Variants in ZNF827 observed in about 807,000 individuals in gnomAD.
ZNF827 encodes the protein zinc finger protein 827.
ZNF827 carries 13 observed loss-of-function variants against 102.4 expected under a neutral mutation model. The observed-to-expected ratio is 0.13, with a 90% CI of 0.08 to 0.20. ZNF827 has a LOEUF of 0.20. Among genes scored for constraint, ZNF827 ranks in the 10% least tolerant of loss-of-function variants. The pLI, the probability that ZNF827 is intolerant of heterozygous loss-of-function variation, is 1.00. For missense variants in ZNF827, 1,103 were observed against 1,344.4 expected, an observed-to-expected ratio of 0.82 and a Z score of 2.81; for synonymous variants, 523 against 536.2, an observed-to-expected ratio of 0.98 and a Z score of 0.34.
intron 4 of ZNF827, among the ~76,000 whole-genome samples, chr4:145,878,399 G>C (rs948737701): frequency 2.6e-5 from 4 of 152,094 alleles, no homozygotes; most frequent in Admixed American, 2.6e-4. Flanking sequence ...GAAGTGGAGA[G>C]ATAGTTACTG....
chr4:145,812,452 C>T (rs1211711788), intron 8 of ZNF827, among the ~76,000 whole-genome samples: 2 of 152,006 alleles, frequency 1.3e-5, no homozygotes, highest in South Asian at 2.1e-4. Context: ...GGTGAAAAAA[C>T]GAATATAGCC....
At chr4:145,896,694 T>C (rs1373016270) in intron 2 of ZNF827, among the ~76,000 whole-genome samples, 1 of 152,238 alleles carries the variant, frequency 6.6e-6, no homozygotes, top group Non-Finnish European at 1.5e-5. Context: ...TTTCACATAG[T>C]GCCCCAATAC....
Position 145,827,497 on chromosome 4 carries a change from C to T in ZNF827, c.2280-3972G>A, listed in dbSNP as rs78092766. Among the ~76,000 whole-genome samples, 23 of 152,332 alleles carry T rather than the reference C, an allele frequency of 1.5e-4. No individual in the cohort carries two copies. In the East Asian group the frequency reaches 4.2e-3, roughly 28 times the overall value. On this transcript the variant is annotated intron_variant, in intron 7 of 14. Coordinates refer to ENST00000508784, the MANE Select transcript of ZNF827 (RefSeq NM_001306215.2). ...TCATGGGCCTGGTCAATTTGCAACT[C>T]TAAACATTCGCCACTGCTGTACCTA...
At chr4:145,831,084 C>G (rs1744163865) in intron 7 of ZNF827, 1 of 152,060 alleles carries the variant, frequency 6.6e-6, no homozygotes, top group South Asian at 2.1e-4. Flanking sequence ...TTTTCAATAC[C>G]ACAGAAATGA....
At chr4:145,797,653 G>A (rs749618447) in intron 8 of ZNF827, among the ~76,000 whole-genome samples, 2 of 152,146 alleles carry the variant, frequency 1.3e-5, no homozygotes, top group Non-Finnish European at 2.9e-5. Context: ...ATGATGATAT[G>A]AGTAGAATCC....
At position 145,760,690 on chromosome 4, in the gene ZNF827, C is replaced by T. The variant is rs530837598; in HGVS notation, c.*926G>A. On this transcript the variant is annotated 3_prime_UTR_variant, in exon 15 of 15. Transcript: ENST00000508784. ...GGTCTGTAGGTTTTGCAGCAACATA[C>T]ACCTGCTGGGGTTGTGTTTAAGTTT... is the stretch of plus-strand genomic sequence containing the variant. The T allele has an allele frequency of 3.5e-5, 34 of 968,032 alleles. No individual in the cohort carries two copies. The African/African-American group carries it at 5.8e-4, about 17-fold the overall frequency. The allele number at this position is 968,032 out of a possible 1,614,324, so 60.0% of individuals were successfully genotyped here.
intron 1 of ZNF827, among the ~76,000 whole-genome samples, chr4:145,904,057 C>T (rs781568352): frequency 6.6e-6 from 1 of 152,148 alleles, no homozygotes; most frequent in Non-Finnish European, 1.5e-5. Context: ...TTTATCGATC[C>T]ACCACTACCA....
intron 7 of ZNF827, among the ~76,000 whole-genome samples, chr4:145,843,291 C>A (rs983243888): frequency 6.6e-6 from 1 of 151,498 alleles, no homozygotes; most frequent in African/African-American, 2.4e-5. Context: ...ACACTGATTT[C>A]TAAACACCAT....
At chr4:145,884,538 C>T (rs1298621944) in intron 4 of ZNF827, among the ~76,000 whole-genome samples, 2 of 152,082 alleles carry the variant, frequency 1.3e-5, no homozygotes, top group African/African-American at 2.4e-5. Context: ...AATTCTCCAC[C>T]GACCTTTCCC....
chr4:145,784,124 A>G (rs934809858), intron 8 of ZNF827, among the ~76,000 whole-genome samples: 1 of 152,138 alleles, frequency 6.6e-6, no homozygotes, highest in Non-Finnish European at 1.5e-5. Flanking sequence ...GCCTCCCCAG[A>G]AGCCAAGCAG....
At chr4:145,886,626 T>C (rs560588284) in intron 3 of ZNF827, among the ~76,000 whole-genome samples, 2 of 152,228 alleles carry the variant, frequency 1.3e-5, no homozygotes, top group Admixed American at 1.3e-4. Context: ...AAAATGCTGC[T>C]CTTAGGTAAT....
intron 10 of ZNF827, among the ~76,000 whole-genome samples, chr4:145,775,102 G>A (rs533416852): frequency 6.6e-6 from 1 of 152,110 alleles, no homozygotes; most frequent in Non-Finnish European, 1.5e-5. Context: ...ACCTTCCCTA[G>A]TAGCAATGAA....
chr4:145,869,914 T>G (rs959747759), intron 5 of ZNF827, among the ~76,000 whole-genome samples: 1 of 152,184 alleles, frequency 6.6e-6, no homozygotes, highest in African/African-American at 2.4e-5. Flanking sequence ...GAATAGATAT[T>G]TTGATCAATT....
intron 1 of ZNF827, among the ~76,000 whole-genome samples, chr4:145,910,352 C>G (rs1336254532): frequency 6.6e-6 from 1 of 152,154 alleles, no homozygotes; most frequent in African/African-American, 2.4e-5. Flanking sequence ...AGGAACTGCC[C>G]GTGTTCCTCC....
chr4:145,791,290 G>A (rs1739652062), intron 8 of ZNF827, among the ~76,000 whole-genome samples: 1 of 152,198 alleles, frequency 6.6e-6, no homozygotes, highest in South Asian at 2.1e-4. Flanking sequence ...CTTTTATAAG[G>A]GCCTCTTTTA....
At chr4:145,917,025 A>C (rs936129500) in intron 1 of ZNF827, among the ~76,000 whole-genome samples, 2 of 152,276 alleles carry the variant, frequency 1.3e-5, no homozygotes, top group Admixed American at 6.5e-5. Flanking sequence ...ACAGCCCTTA[A>C]TTAATCTCTA....
At chr4:145,845,523 A>T (rs539502289) in intron 7 of ZNF827, among the ~76,000 whole-genome samples, 1 of 152,350 alleles carries the variant, frequency 6.6e-6, no homozygotes, top group South Asian at 2.1e-4. Flanking sequence ...GTGACAAATT[A>T]TCAGCCTATA....
chr4:145,905,667 T>G (rs530006487), intron 1 of ZNF827, among the ~76,000 whole-genome samples: 1 of 152,262 alleles, frequency 6.6e-6, no homozygotes, highest in Non-Finnish European at 1.5e-5. Flanking sequence ...CAACATCAAT[T>G]TCAACAATAG....
At chr4:145,869,400 A>T (rs918953330) in intron 5 of ZNF827, among the ~76,000 whole-genome samples, 1 of 152,238 alleles carries the variant, frequency 6.6e-6, no homozygotes, top group Non-Finnish European at 1.5e-5. Flanking sequence ...GTTTCAAACT[A>T]AAAACAGCTT....
Sources: allele counts gnomAD v4.1 joint callset (sites outside exome capture counted in the v4.1 genomes callset), GRCh38; gene constraint gnomAD v4.1.1; transcripts MANE v1.5; gene names NCBI Gene and HGNC (gene_info 2026-07-23, HGNC 2026-07-21).